ATP11A: variants seen among roughly 807,000 people sequenced by gnomAD.
ATP11A encodes ATPase phospholipid transporting 11A.
In ATP11A, 81 loss-of-function variants were observed where a neutral mutation model predicts 154.4. The observed-to-expected ratio is 0.52, with a 90% CI of 0.44 to 0.63. The LOEUF (loss-of-function observed/expected upper bound fraction) is 0.63. ATP11A is among the 30% of genes least tolerant of loss of function. The probability of loss-of-function intolerance (pLI) is 0.00; values close to 1 mark genes in which losing one functional copy is unlikely to be tolerated. For synonymous variants in ATP11A, 623 were observed against 585.9 expected, an observed-to-expected ratio of 1.06 and a Z score of -0.91; for missense variants, 1,316 against 1,474.3, an observed-to-expected ratio of 0.89 and a Z score of 1.76.
chr13:112,733,753 T>C (rs1199039978), intron 1 of ATP11A, among the ~76,000 whole-genome samples: 1 of 152,176 alleles, frequency 6.6e-6, no homozygotes, highest in Non-Finnish European at 1.5e-5. Flanking sequence ...ATTTAAAATA[T>C]ATTAAGTTTA....
At chr13:112,776,243 T>G (rs1397981117) in intron 1 of ATP11A, among the ~76,000 whole-genome samples, 1 of 152,198 alleles carries the variant, frequency 6.6e-6, no homozygotes, top group African/African-American at 2.4e-5. Flanking sequence ...CCACAGCCCC[T>G]GTAGTGTGTC....
chr13:112,868,310 C>T (rs776975247), intron 25 of ATP11A, among the ~76,000 whole-genome samples: 2 of 152,206 alleles, frequency 1.3e-5, no homozygotes, highest in African/African-American at 4.8e-5. Flanking sequence ...CTTGAGAAGG[C>T]GCAAGTTATG....
intron 8 of ATP11A, 71 bp from the exon 9 acceptor site, chr13:112,823,274 C>G: frequency 8.6e-7 from 1 of 1,163,364 alleles, no homozygotes; most frequent in Non-Finnish European, 1.3e-6. Context: ...GGTTTCACGT[C>G]TGCCTCTTGC....
intron 1 of ATP11A, among the ~76,000 whole-genome samples, chr13:112,733,579 G>A (rs1160853925): frequency 1.8e-4 from 27 of 152,168 alleles, no homozygotes; most frequent in Admixed American, 1.8e-3. Flanking sequence ...AAGCTAACAG[G>A]TTAAATGGTT....
intron 27 of ATP11A, among the ~76,000 whole-genome samples, chr13:112,874,491 G>A (rs898049678): frequency 2.6e-5 from 4 of 152,166 alleles, no homozygotes; most frequent in African/African-American, 7.2e-5. Flanking sequence ...AGGAAACGAC[G>A]CTGAGTGGTA....
At chr13:112,816,534 C>T (rs1417923535) in intron 6 of ATP11A, among the ~76,000 whole-genome samples, 2 of 152,218 alleles carry the variant, frequency 1.3e-5, no homozygotes, top group African/African-American at 4.8e-5. Context: ...ATTCTCTCCC[C>T]TGGCACCCAT....
chr13:112,795,311 G>T (rs529998838), intron 2 of ATP11A, among the ~76,000 whole-genome samples: 9 of 152,366 alleles, frequency 5.9e-5, no homozygotes, highest in East Asian at 5.8e-4. Context: ...CCTGATGGAA[G>T]TAGATCTGCA....
At chr13:112,718,465 G>A (rs1284992101) in intron 1 of ATP11A, among the ~76,000 whole-genome samples, 1 of 152,184 alleles carries the variant, frequency 6.6e-6, no homozygotes, top group Non-Finnish European at 1.5e-5. Flanking sequence ...CCTGCCGCAA[G>A]TTTCATGTGA....
rs2079439671 is a variant in ATP11A at position 112,842,144 on chromosome 13, T to C, written c.1706-132T>C. 5.9e-6 allele frequency: 4 copies of C among 672,848 alleles called. No homozygotes were observed. In the East Asian group the frequency reaches 1.1e-4, roughly 19 times the overall value. The allele number at this position is 672,848 out of a possible 1,614,324, so 41.7% of individuals were successfully genotyped here. ...TTCCTGACTGTAGCGTGTTAACTGG[T>C]CCATTAAAATCTTTAAAAAGCTTTC... is the stretch of plus-strand genomic sequence containing the variant. On this transcript the variant is annotated intron_variant, in intron 16 of 29. Transcript: ENST00000375645.
Position 112,754,177 on chromosome 13 carries a change from G to A in ATP11A, c.40-30958G>A, listed in dbSNP as rs1343917427. On this transcript the variant is annotated intron_variant, in intron 1 of 29. Transcript: ENST00000375645. The surrounding 1 kb of genome is among the most constrained non-coding windows in gnomAD (Gnocchi z 5.3). ...CTGCTGAGATGTGAGAAAGGCCTGC[G>A]CTGGGGTCTGGGAAATTCGTTTTCT... is the stretch of plus-strand genomic sequence containing the variant. Among the ~76,000 whole-genome samples the A allele has an allele frequency of 2.6e-5, 4 of 152,234 alleles. 1 individual carries two copies. The South Asian group carries it at 6.2e-4, about 24-fold the overall frequency.
Position 112,746,563 on chromosome 13 carries a change from A to AGAGACAGCACCTC in ATP11A, c.40-38570_40-38558dup, listed in dbSNP as rs1326961048. Reference sequence around the variant, plus strand: ...TTGTGGGGTTTTGTTGTTGTTTTTTAGAGACAGCACCTCGCTCTCTTACCC... The same window carrying AGAGACAGCACCTC: ...TTGTGGGGTTTTGTTGTTGTTTTTTAGAGACAGCACCTCGAGACAGCACCTCGCTCTCTTACCC... On this transcript the variant is annotated intron_variant, in intron 1 of 29. Coordinates refer to ENST00000375645, the MANE Select transcript of ATP11A (RefSeq NM_015205.3). The surrounding 1 kb of genome is among the most constrained non-coding windows in gnomAD (Gnocchi z 4.1). The AGAGACAGCACCTC allele has an allele frequency of 6.6e-6, 1 of 152,058 alleles. No individual in the cohort carries two copies. Among genetic ancestry groups the AGAGACAGCACCTC allele is most frequent in the Admixed American group, 6.6e-5 (1 of 15,244 alleles). The allele number at this position is 152,058 out of a possible 1,614,324, so 9.4% of individuals were successfully genotyped here. A position where few individuals can be genotyped will look rare whatever the true frequency, so the allele number is the denominator to read the frequency against.
chr13:112,843,169 G>A (rs1182328732), intron 17 of ATP11A, among the ~76,000 whole-genome samples: 1 of 152,042 alleles, frequency 6.6e-6, no homozygotes, highest in Non-Finnish European at 1.5e-5. Flanking sequence ...GCCGAGTGAC[G>A]CACGGCTGAG....
intron 1 of ATP11A, among the ~76,000 whole-genome samples, chr13:112,773,091 G>T (rs1202221653): frequency 6.6e-6 from 1 of 152,086 alleles, no homozygotes. Flanking sequence ...AGCCCCGAGG[G>T]CTGTGGCCTG....
intron 28 of ATP11A, among the ~76,000 whole-genome samples, chr13:112,876,956 T>C (rs2080746378): frequency 6.6e-6 from 1 of 152,220 alleles, no homozygotes; most frequent in African/African-American, 2.4e-5. Context: ...GAGAGCTTTC[T>C]TGGGACATTG....
chr13:112,824,179 A>G (rs2078872825), intron 9 of ATP11A, among the ~76,000 whole-genome samples, 165 bp from the exon 10 acceptor site: 1 of 152,190 alleles, frequency 6.6e-6, no homozygotes, highest in Non-Finnish European at 1.5e-5. Context: ...TCTTTATCCT[A>G]AGGAATCAAG....
rs545952783 is a variant in ATP11A, at chr13:112,711,698, A to G, written c.39+21243A>G. 3.3e-5 allele frequency among the ~76,000 whole-genome samples: 5 copies of G among 152,290 alleles called. 1 individual carries two copies. Among genetic ancestry groups the G allele is most frequent in the African/African-American group, 1.2e-4 (5 of 41,552 alleles). On this transcript the variant is annotated intron_variant, in intron 1 of 29. Transcript: ENST00000375645. ...CCGGGCAAGACTCTGTTTTGCTTCC[A>G]TTTTTTAAGCCTCTGGAAGTCCTGG... is the stretch of plus-strand genomic sequence containing the variant.
At chr13:112,777,068 C>T (rs556301723) in intron 1 of ATP11A, among the ~76,000 whole-genome samples, 1 of 152,294 alleles carries the variant, frequency 6.6e-6, no homozygotes, top group Non-Finnish European at 1.5e-5. Flanking sequence ...TGGCAGTGGC[C>T]TCAGGGGTGT....
chr13:112,723,271 T>A, intron 1 of ATP11A, among the ~76,000 whole-genome samples: 1 of 121,822 alleles, frequency 8.2e-6, no homozygotes, highest in Non-Finnish European at 1.8e-5. Flanking sequence ...ATTGGTGTCT[T>A]ATTGCCACAG....
At chr13:112,771,924 C>G (rs1194945719) in intron 1 of ATP11A, among the ~76,000 whole-genome samples, 2 of 152,152 alleles carry the variant, frequency 1.3e-5, no homozygotes, top group Non-Finnish European at 2.9e-5. Context: ...ACACCGGGAG[C>G]CCTGGGCTGG....
Sources: gnomAD v4.1 joint callset for allele counts (sites outside exome capture counted in the v4.1 genomes callset) on GRCh38, gnomAD v4.1.1 for gene constraint, Gnocchi (gnomAD v3.1) non-coding constraint, MANE v1.5 for transcripts, NCBI Gene and HGNC (gene_info 2026-07-23, HGNC 2026-07-21) for gene names.